Variants in CPLX2 observed in about 807,000 individuals in gnomAD.
CPLX2 encodes complexin-2.
A neutral mutation model predicts 16.3 loss-of-function variants in CPLX2; 5 were observed. The ratio of observed to expected loss-of-function variants is 0.31; its 90% confidence interval spans 0.16 to 0.64. CPLX2 has a LOEUF of 0.64. Ranked by LOEUF, CPLX2 falls within the 30% of genes least tolerant of loss-of-function variation. CPLX2 has a pLI of 0.79. For missense variants in CPLX2, 144 were observed against 181.4 expected (o/e 0.79, Z 1.18); for synonymous variants, 89 against 73.2 (o/e 1.22, Z -1.10).
chr5:175,854,811 G>A (rs1759221488), intron 2 of CPLX2, among the ~76,000 whole-genome samples: 2 of 152,154 alleles, frequency 1.3e-5, no homozygotes, highest in Non-Finnish European at 2.9e-5. Context: ...GGTGTACCAT[G>A]ATCCAGCGCC....
intron 2 of CPLX2, among the ~76,000 whole-genome samples, chr5:175,839,317 G>T (rs112338691): frequency 6.6e-6 from 1 of 151,620 alleles, no homozygotes; most frequent in South Asian, 2.1e-4. Flanking sequence ...AAGGAGTCTC[G>T]CTCTGTCACC....
intron 1 of CPLX2, among the ~76,000 whole-genome samples, chr5:175,875,197 TGA>T (rs1759729281): frequency 6.6e-6 from 1 of 151,150 alleles, no homozygotes; most frequent in Non-Finnish European, 1.5e-5. Context: ...CATCACAAAG[TGA>T]GAGGGGTGGG....
intron 2 of CPLX2, among the ~76,000 whole-genome samples, chr5:175,855,177 C>T (rs1759231254): frequency 6.6e-6 from 1 of 152,194 alleles, no homozygotes; most frequent in Admixed American, 6.5e-5. Flanking sequence ...AGACATTACA[C>T]ACAGTATTTA....
intron 2 of CPLX2, among the ~76,000 whole-genome samples, chr5:175,839,322 G>A (rs1758904837): frequency 1.3e-5 from 2 of 152,000 alleles, no homozygotes; most frequent in Admixed American, 1.3e-4. Flanking sequence ...GTCTCGCTCT[G>A]TCACCCAGGC....
chr5:175,798,770 C>T (rs780180237), intron 1 of CPLX2, among the ~76,000 whole-genome samples: 7 of 152,126 alleles, frequency 4.6e-5, no homozygotes, highest in Non-Finnish European at 1.0e-4. Context: ...AACAGTTGGC[C>T]AATTTTGTTT....
chr5:175,845,659 G>A lies in CPLX2; in HGVS notation c.-88-32993G>A, dbSNP rs1159695845. Among the ~76,000 whole-genome samples, 2 of 152,308 alleles carry A rather than the reference G, an allele frequency of 1.3e-5. No homozygotes were observed. The highest frequency in any genetic ancestry group is 3.4e-3 in the Middle Eastern group (1 of 294). On this transcript the variant is annotated intron_variant, in intron 2 of 4. Coordinates refer to the CPLX2 transcript ENST00000359546. The surrounding 1 kb of genome is among the most constrained non-coding windows in gnomAD (Gnocchi z 4.0). ...CTACTGGACTGTGAGTCTCTTAAGG[G>A]CGGGGACTCATTGGTGCTGGTTCCA...
intron 2 of CPLX2, among the ~76,000 whole-genome samples, chr5:175,839,591 C>T (rs551249336): frequency 6.6e-6 from 1 of 152,306 alleles, no homozygotes; most frequent in African/African-American, 2.4e-5. Context: ...CGGCCTCAAC[C>T]TTAAACAATT....
Position 175,799,548 on chromosome 5 carries a change from A to ATTTT in CPLX2, c.-169+2765_-169+2766insTTTT, listed in dbSNP as rs33953622. 1.9e-4 allele frequency among the ~76,000 whole-genome samples: 24 copies of ATTTT among 125,468 alleles called. 1 individual carries two copies. In the East Asian group the frequency reaches 4.3e-3, roughly 22 times the overall value. The allele number at this position is 125,468 out of a possible 152,430, so 82.3% of individuals were successfully genotyped here. ...ATCCCTTTGCAAATTTCATATATATATATATATATATATATATATATATAT... is the reference window on the plus strand; with the variant it reads ...ATCCCTTTGCAAATTTCATATATATATTTTTATATATATATATATATATATATAT... On this transcript the variant is annotated intron_variant, in intron 1 of 4. Transcript: ENST00000359546.
intron 2 of CPLX2, among the ~76,000 whole-genome samples, chr5:175,851,307 A>G (rs945067468): frequency 6.6e-6 from 1 of 152,142 alleles, no homozygotes; most frequent in African/African-American, 2.4e-5. Context: ...GGCCAGGTTG[A>G]AGGGCCACGG....
chr5:175,828,787 T>G (rs78768079), intron 2 of CPLX2, among the ~76,000 whole-genome samples: 2 of 152,156 alleles, frequency 1.3e-5, no homozygotes, highest in Non-Finnish European at 2.9e-5. Context: ...ACTCAGGCAA[T>G]TTCTGCCCCG....
At chr5:175,869,120 G>A (rs1759531780), upstream of CPLX2, among the ~76,000 whole-genome samples, 1 of 152,144 alleles carries the variant, frequency 6.6e-6, no homozygotes, top group Admixed American at 6.6e-5. Context: ...TGTCAAGGCT[G>A]GTAACACTGA....
At chr5:175,850,503 A>G (rs558824067) in intron 2 of CPLX2, among the ~76,000 whole-genome samples, 2 of 152,300 alleles carry the variant, frequency 1.3e-5, no homozygotes, top group South Asian at 4.1e-4. Flanking sequence ...TGGCCAACAC[A>G]CCTGCACTTC....
upstream of CPLX2, chr5:175,871,429 G>GAGAGAGAGAGAGAGAGAGAGAGAA (rs1561790305): frequency 1.1e-5 from 1 of 91,310 alleles, no homozygotes; most frequent in African/African-American, 4.0e-5. Flanking sequence ...GAGAGAGAGA[G>GAGAGAGAGAGAGAGAGAGAGAGAA]AGACAGAGAG....
At chr5:175,842,672 C>T (rs1758966255) in intron 2 of CPLX2, among the ~76,000 whole-genome samples, 1 of 152,226 alleles carries the variant, frequency 6.6e-6, no homozygotes, top group South Asian at 2.1e-4. Context: ...GGCCCTCTAC[C>T]TCTGAGGCCC....
rs572281090 is a variant in CPLX2, at chr5:175,800,828, A to G, written c.-169+4044A>G. 3.9e-5 allele frequency among the ~76,000 whole-genome samples: 6 copies of G among 152,346 alleles called. No homozygotes were observed. In the South Asian group the frequency reaches 1.0e-3, roughly 26 times the overall value. On this transcript the variant is annotated intron_variant, in intron 1 of 4. Coordinates refer to the CPLX2 transcript ENST00000359546. ...CACAGTAGGCACAGTCATTGATAAC[A>G]ATTGAAAAGCAAATGTGAAAATAGA...
intron 2 of CPLX2, among the ~76,000 whole-genome samples, chr5:175,826,928 T>G (rs951698826): frequency 6.6e-6 from 1 of 152,196 alleles, no homozygotes; most frequent in Non-Finnish European, 1.5e-5. Flanking sequence ...GGATGCTGCT[T>G]TCCCCTACAG....
intron 2 of CPLX2, among the ~76,000 whole-genome samples, chr5:175,818,175 G>C (rs899504584): frequency 6.6e-6 from 1 of 152,152 alleles, no homozygotes. Flanking sequence ...AGCTCAGAGT[G>C]GGGGTAGCTG....
At chr5:175,813,602 T>A (rs1758351806) in intron 2 of CPLX2, among the ~76,000 whole-genome samples, 2 of 152,240 alleles carry the variant, frequency 1.3e-5, no homozygotes, top group South Asian at 4.1e-4. Context: ...CCAGCTCTGA[T>A]GGGCAGAAGT....
At chr5:175,818,959 G>A (rs1247403969) in intron 2 of CPLX2, among the ~76,000 whole-genome samples, 1 of 152,036 alleles carries the variant, frequency 6.6e-6, no homozygotes, top group Non-Finnish European at 1.5e-5. Flanking sequence ...CACCGCGCCC[G>A]GCCCCGACTT....
Sources: allele counts gnomAD v4.1 joint callset (sites outside exome capture counted in the v4.1 genomes callset), GRCh38; gene constraint gnomAD v4.1.1; non-coding constraint Gnocchi (gnomAD v3.1); transcripts MANE v1.5; gene names NCBI Gene and HGNC (gene_info 2026-07-23, HGNC 2026-07-21).